ACOXL: variants seen among roughly 807,000 people sequenced by gnomAD.
The protein encoded by ACOXL is acyl-CoA oxidase like.
In ACOXL, 70 loss-of-function variants were observed where a neutral mutation model predicts 71.9. That is an observed-to-expected ratio of 0.97 (90% CI 0.80 to 1.19). ACOXL has a LOEUF of 1.19. ACOXL is among the 50% of genes most tolerant of loss of function. The probability of loss-of-function intolerance (pLI) is 0.00; values close to 1 mark genes in which losing one functional copy is unlikely to be tolerated. For synonymous variants in ACOXL, 253 were observed against 281.6 expected (o/e 0.90, Z 1.02); for missense variants, 703 against 736.3 (o/e 0.95, Z 0.52).
chr2:110,852,181 G>A (rs10180020), intron 10 of ACOXL, among the ~76,000 whole-genome samples: 102,127 of 152,022 alleles, frequency 0.67, 35,116 homozygotes, highest in South Asian at 0.81. Context: ...GCTGACTTCT[G>A]TATATTCCCT....
At chr2:111,078,471 C>T (rs1412138302) in intron 16 of ACOXL, among the ~76,000 whole-genome samples, 1 of 152,092 alleles carries the variant, frequency 6.6e-6, no homozygotes, top group African/African-American at 2.4e-5. Context: ...ACCATGTTGG[C>T]CAGGCTGGTC....
intron 15 of ACOXL, among the ~76,000 whole-genome samples, chr2:111,033,499 C>T (rs912172822): frequency 6.6e-6 from 1 of 152,166 alleles, no homozygotes; most frequent in African/African-American, 2.4e-5. Flanking sequence ...CAAGACAGCT[C>T]GTGTCCTCAG....
At chr2:110,779,456 T>A (rs919842788) in intron 2 of ACOXL, among the ~76,000 whole-genome samples, 1 of 152,230 alleles carries the variant, frequency 6.6e-6, no homozygotes, top group Non-Finnish European at 1.5e-5. Context: ...TTGTAGTACC[T>A]TGATCCAAAT....
chr2:110,938,382 C>T (rs567355105), intron 12 of ACOXL, among the ~76,000 whole-genome samples: 1 of 152,336 alleles, frequency 6.6e-6, no homozygotes, highest in East Asian at 1.9e-4. Flanking sequence ...CTCTGTGGTG[C>T]CTTCAGGCCC....
At chr2:111,036,324 GAGGGAGGGAGGA>G (rs1472265544) in intron 15 of ACOXL, among the ~76,000 whole-genome samples, 2 of 152,168 alleles carry the variant, frequency 1.3e-5, no homozygotes, top group African/African-American at 2.4e-5. Flanking sequence ...CAAGTGGCCT[GAGGGAGGGAGGA>G]AGGGAGGGAG....
chr2:110,946,435 G>A (rs900747551), intron 12 of ACOXL, among the ~76,000 whole-genome samples: 10 of 152,194 alleles, frequency 6.6e-5, no homozygotes, highest in Non-Finnish European at 2.9e-5. Context: ...TATAAGTGGT[G>A]AGAGTGGCAT....
chr2:110,866,592 A>C (rs1240957346), intron 10 of ACOXL, among the ~76,000 whole-genome samples: 3 of 152,008 alleles, frequency 2.0e-5, no homozygotes, highest in Non-Finnish European at 4.4e-5. Flanking sequence ...GAAGAGGGGA[A>C]ATACAGGGGA....
chr2:110,837,057 C>T (rs1690550162), intron 9 of ACOXL, among the ~76,000 whole-genome samples: 1 of 152,240 alleles, frequency 6.6e-6, no homozygotes. Context: ...TGGCATCAGG[C>T]TGCTGGTGGG....
At chr2:111,088,205 T>G (rs1162701144) in intron 16 of ACOXL, among the ~76,000 whole-genome samples, 1 of 152,200 alleles carries the variant, frequency 6.6e-6, no homozygotes, top group Non-Finnish European at 1.5e-5. Flanking sequence ...GGAGTGTAAA[T>G]TAGTTCAACC....
chr2:110,919,485 A>G (rs1488601635), intron 11 of ACOXL, among the ~76,000 whole-genome samples: 2 of 152,168 alleles, frequency 1.3e-5, no homozygotes, highest in Non-Finnish European at 2.9e-5. Flanking sequence ...GCAGCAAAAC[A>G]CAATGGCACA....
At chr2:110,732,841 C>G (rs1038426716) in intron 1 of ACOXL, 67 bp downstream of exon 1, 4 of 152,286 alleles carry the variant, frequency 2.6e-5, no homozygotes, top group African/African-American at 9.6e-5. Context: ...CCTCGGTCCC[C>G]GGAGCGTCGC....
At chr2:110,817,598 G>A (rs749316888) in intron 9 of ACOXL, among the ~76,000 whole-genome samples, 30 of 152,156 alleles carry the variant, frequency 2.0e-4, no homozygotes, top group Non-Finnish European at 3.4e-4. Context: ...GAGATTCCAA[G>A]GATTTGAGCT....
At chr2:111,051,751 T>A (rs550280846) in intron 16 of ACOXL, among the ~76,000 whole-genome samples, 23 of 152,350 alleles carry the variant, frequency 1.5e-4, no homozygotes, top group African/African-American at 4.8e-4. Flanking sequence ...ATTACAGACA[T>A]ACGCCACTGC....
chr2:111,014,738 T>C (rs2064345030), intron 14 of ACOXL, among the ~76,000 whole-genome samples: 5 of 152,216 alleles, frequency 3.3e-5, no homozygotes, highest in African/African-American at 1.2e-4. Context: ...TGCTAATGCT[T>C]CAATAATACA....
At chr2:110,967,863 G>GTAT in intron 12 of ACOXL, 1 of 1,272,764 alleles carries the variant, frequency 7.9e-7, no homozygotes, top group Non-Finnish European at 1.1e-6. Flanking sequence ...TTAAGAATAA[G>GTAT]GCCTACTTTA....
At chr2:110,895,349 A>G (rs2058966903) in intron 10 of ACOXL, among the ~76,000 whole-genome samples, 1 of 152,182 alleles carries the variant, frequency 6.6e-6, no homozygotes. Context: ...TAGAAGATAG[A>G]ACTATAGAAA....
chr2:110,819,280 A>G (rs1265165619), intron 9 of ACOXL, among the ~76,000 whole-genome samples: 1 of 152,180 alleles, frequency 6.6e-6, no homozygotes. Context: ...TCTGTTGGCA[A>G]TAGGGGGCTA....
At chr2:110,984,036 G>C (rs2062828183) in intron 12 of ACOXL, among the ~76,000 whole-genome samples, 1 of 151,972 alleles carries the variant, frequency 6.6e-6, no homozygotes, top group South Asian at 2.1e-4. Flanking sequence ...GGTAGAGACG[G>C]GGTTTCACTA....
At chr2:110,832,249 A>C (rs960346005) in intron 9 of ACOXL, among the ~76,000 whole-genome samples, 1 of 152,298 alleles carries the variant, frequency 6.6e-6, no homozygotes, top group Admixed American at 6.5e-5. Context: ...TTAAAGAACA[A>C]ACTAGTAGGC....
Sources: allele counts gnomAD v4.1 joint callset (sites outside exome capture counted in the v4.1 genomes callset), GRCh38; gene constraint gnomAD v4.1.1; transcripts MANE v1.5; gene names NCBI Gene and HGNC (gene_info 2026-07-23, HGNC 2026-07-21).